Variants in RAB3GAP2 observed in about 807,000 individuals in gnomAD.
The protein encoded by RAB3GAP2 is RAB3 GTPase activating non-catalytic protein subunit 2.
RAB3GAP2 carries 87 observed loss-of-function variants against 185.3 expected under a neutral mutation model. That is an observed-to-expected ratio of 0.47 (90% CI 0.39 to 0.56). The LOEUF is 0.56. Among genes scored for constraint, RAB3GAP2 ranks in the 20% least tolerant of loss-of-function variants. The pLI, the probability that RAB3GAP2 is intolerant of heterozygous loss-of-function variation, is 0.00. For missense variants in RAB3GAP2, 1,492 were observed against 1,638.2 expected (o/e 0.91, Z 1.54); for synonymous variants, 554 against 576.1 (o/e 0.96, Z 0.55).
At chr1:220,245,653 G>T (rs1659796913) in intron 1 of RAB3GAP2, among the ~76,000 whole-genome samples, 1 of 151,706 alleles carries the variant, frequency 6.6e-6, no homozygotes, top group Admixed American at 6.6e-5. Flanking sequence ...GCCCCAACTG[G>T]GTGGAGCCCA....
At position 220,206,020 on chromosome 1, in the gene RAB3GAP2, A is replaced by T. The variant is rs374690916; in HGVS notation, c.613-14T>A. On this transcript the variant is annotated splice_polypyrimidine_tract_variant and intron_variant, in intron 7 of 34. Coordinates refer to ENST00000358951, the MANE Select transcript of RAB3GAP2 (RefSeq NM_012414.4). ...CAACTCTTCATTCTATTTAAGAAATAAAAAAAAAAAGTTCTTGAATAGATA... is the reference window on the plus strand; with the variant it reads ...CAACTCTTCATTCTATTTAAGAAATTAAAAAAAAAAGTTCTTGAATAGATA... 9.5e-4 allele frequency: 844 copies of T among 888,320 alleles called. No homozygotes were observed. Among genetic ancestry groups the T allele is most frequent in the Non-Finnish European group, 1.2e-3 (769 of 635,400 alleles). The allele number at this position is 888,320 out of a possible 1,614,324, so 55.0% of individuals were successfully genotyped here.
chr1:220,272,116 G>A (rs1420363699), intron 1 of RAB3GAP2, 107 bp downstream of exon 1: 5 of 951,982 alleles, frequency 5.3e-6, no homozygotes, highest in East Asian at 5.2e-5. Flanking sequence ...AGAACTGGGG[G>A]TCCAGAGGGC....
intron 30 of RAB3GAP2, 103 bp downstream of exon 30, chr1:220,157,699 A>G (rs1213482798): frequency 6.3e-5 from 73 of 1,163,228 alleles, no homozygotes; most frequent in Non-Finnish European, 5.7e-5. Context: ...AAATGAATGA[A>G]TGAAAAACAA....
chr1:220,266,570 G>C, intron 1 of RAB3GAP2: 4 of 805,264 alleles, frequency 5.0e-6, no homozygotes, highest in Non-Finnish European at 8.3e-6. Flanking sequence ...AGGCACACCT[G>C]CTCAGTAAAA....
chr1:220,252,678 T>C (rs547148559), intron 1 of RAB3GAP2, among the ~76,000 whole-genome samples: 3 of 151,796 alleles, frequency 2.0e-5, no homozygotes, highest in South Asian at 2.1e-4. Flanking sequence ...ACTTCTCCCA[T>C]GGATCTTTGC....
intron 24 of RAB3GAP2, among the ~76,000 whole-genome samples, chr1:220,170,445 C>CAA (rs58028233): frequency 3.6e-5 from 5 of 140,368 alleles, no homozygotes; most frequent in African/African-American, 1.3e-4. Context: ...TTTCCCAATG[C>CAA]AAAAAAAAAA....
chr1:220,224,536 A>G (rs1299407031), intron 2 of RAB3GAP2, among the ~76,000 whole-genome samples: 2 of 152,208 alleles, frequency 1.3e-5, no homozygotes, highest in African/African-American at 4.8e-5. Context: ...AGCAAGGAGT[A>G]GAATAATGTG....
In RAB3GAP2 at chr1:220,152,115, A is replaced by T. The variant is rs1471069152; in HGVS notation, c.3868-351T>A. The stretch of plus-strand genomic sequence containing the variant: ...TTTTGAGATGGAGTCTCACTCTGCC[A>T]CCCAAGCTGGAGTGCAGTGGTGCAA... On this transcript the variant is annotated intron_variant, in intron 33 of 34. Transcript: ENST00000358951. 5.3e-5 allele frequency among the ~76,000 whole-genome samples: 8 copies of T among 152,066 alleles called. No individual in the cohort carries two copies. The East Asian group carries it at 1.4e-3, about 26-fold the overall frequency.
rs765328844 is a variant in RAB3GAP2, at chr1:220,210,441, G to C, written c.559C>G (p.Gln187Glu). 8 of 1,614,054 alleles carry C rather than the reference G, an allele frequency of 5.0e-6. No individual in the cohort carries two copies. In the Admixed American group the frequency reaches 1.3e-4, roughly 27 times the overall value. ...ATTTCATAGGTTCTGCATTTAAGTTGAAGTACTGGGTCCTCATTCAAAAGC... is the reference window on the plus strand; with the variant it reads ...ATTTCATAGGTTCTGCATTTAAGTTCAAGTACTGGGTCCTCATTCAAAAGC... Reference protein sequence around the residue: ...AQLLNEDPVLQLKCRTYEIPR... With the variant: ...AQLLNEDPVLELKCRTYEIPR... The change falls in exon 7 of 35, where the codon CAA becomes GAA. Residue 187 changes from glutamine to glutamate, a missense_variant. Gln to Glu is a conservative substitution (Grantham distance 29, BLOSUM62 2). Around this residue, in one of 5 missense-constraint regions of RAB3GAP2, gnomAD observed 243 missense variants for 314.8 expected, o/e 0.77. Coordinates refer to ENST00000358951, the MANE Select transcript of RAB3GAP2 (RefSeq NM_012414.4).
At chr1:220,188,179 T>C (rs1658540232) in intron 17 of RAB3GAP2, among the ~76,000 whole-genome samples, 1 of 151,978 alleles carries the variant, frequency 6.6e-6, no homozygotes, top group African/African-American at 2.4e-5. Context: ...AAACCTGTGA[T>C]ACAGTTTTTT....
intron 5 of RAB3GAP2, 28 bp downstream of exon 5, chr1:220,210,927 A>G (rs754573920): frequency 1.2e-6 from 2 of 1,613,974 alleles, no homozygotes; most frequent in Non-Finnish European, 1.7e-6. Flanking sequence ...CAAAGCAAAG[A>G]AAACAGATGA....
chr1:220,205,587 T>C (rs1294280076), intron 8 of RAB3GAP2, among the ~76,000 whole-genome samples: 1 of 152,202 alleles, frequency 6.6e-6, no homozygotes, highest in East Asian at 1.9e-4. Context: ...TGGTTGTCAA[T>C]ACTAGGGTTG....
At chr1:220,196,517 TA>T (rs1292287790) in intron 9 of RAB3GAP2, 119 bp from the exon 10 acceptor site, 3 of 1,051,822 alleles carry the variant, frequency 2.9e-6, no homozygotes, top group Admixed American at 4.3e-5. Flanking sequence ...AAAGTCATTT[TA>T]AAAGCTACAA....
Position 220,148,753 on chromosome 1 carries a change from T to C in RAB3GAP2, c.*2498A>G, listed in dbSNP as rs899127491. On this transcript the variant is annotated 3_prime_UTR_variant, in exon 35 of 35. Transcript: ENST00000358951. Reference sequence around the variant, plus strand: ...AAAAGTAAAACTTTTTTTTTCTGTTTGCAAAAGTATGAAGCATTAAGAAGC... The same window carrying C: ...AAAAGTAAAACTTTTTTTTTCTGTTCGCAAAAGTATGAAGCATTAAGAAGC... 1 of 152,180 alleles carries C rather than the reference T, an allele frequency of 6.6e-6. No homozygotes were observed. The highest frequency in any genetic ancestry group is 2.4e-5 in the African/African-American group (1 of 41,442). 9.4% of individuals were successfully genotyped at this position (152,180 alleles called of 1,614,324 possible). A position where few individuals can be genotyped will look rare whatever the true frequency, so the allele number is the denominator to read the frequency against.
At chr1:220,167,951 T>A (rs536965269) in intron 24 of RAB3GAP2, among the ~76,000 whole-genome samples, 22 of 152,336 alleles carry the variant, frequency 1.4e-4, no homozygotes, top group Non-Finnish European at 2.2e-4. Flanking sequence ...ATAAACCATA[T>A]GCTTTCTAAG....
intron 2 of RAB3GAP2, among the ~76,000 whole-genome samples, chr1:220,231,831 T>G (rs1452767658): frequency 1.3e-5 from 2 of 152,230 alleles, no homozygotes; most frequent in Non-Finnish European, 2.9e-5. Flanking sequence ...TTGTCCACAC[T>G]ACATCTGTGA....
intron 13 of RAB3GAP2, among the ~76,000 whole-genome samples, chr1:220,191,814 C>A (rs1658627420): frequency 6.7e-6 from 1 of 148,854 alleles, no homozygotes; most frequent in African/African-American, 2.5e-5. Context: ...GCGAAACTCT[C>A]TAAAAAAAAA....
chr1:220,266,057 A>T (rs1214798615), intron 1 of RAB3GAP2: 1 of 152,944 alleles, frequency 6.5e-6, no homozygotes, highest in Non-Finnish European at 1.5e-5. Context: ...GGGAAAGGGT[A>T]GGGTTCAGCA....
At chr1:220,215,413 T>C (rs1196901133) in intron 2 of RAB3GAP2, among the ~76,000 whole-genome samples, 1 of 152,168 alleles carries the variant, frequency 6.6e-6, no homozygotes, top group African/African-American at 2.4e-5. Flanking sequence ...ATAGGTAAAA[T>C]GTAGTATCTC....
Sources: allele counts gnomAD v4.1 joint callset (sites outside exome capture counted in the v4.1 genomes callset), GRCh38; gene constraint gnomAD v4.1.1; regional missense constraint gnomAD v4.1.1; transcripts MANE v1.5; gene names NCBI Gene and HGNC (gene_info 2026-07-23, HGNC 2026-07-21).